CCDC13: variants seen among roughly 807,000 people sequenced by gnomAD.
The protein encoded by CCDC13 is coiled-coil domain-containing protein 13.
In CCDC13, 70 loss-of-function variants were observed where a neutral mutation model predicts 87.3. The observed-to-expected ratio is 0.80, with a 90% CI of 0.66 to 0.98. The LOEUF is 0.98. CCDC13 is among the 50% of genes least tolerant of loss of function. The pLI is 0.00. For synonymous variants in CCDC13, 317 were observed against 360.3 expected (o/e 0.88, Z 1.36); for missense variants, 842 against 892.0 (o/e 0.94, Z 0.71).
At chr3:42,736,021 C>T (rs1264112684) in intron 9 of CCDC13, 108 bp from the exon 10 acceptor site, 1 of 999,872 alleles carries the variant, frequency 1.0e-6, no homozygotes, top group East Asian at 2.6e-5. Context: ...AGGAACCTAA[C>T]AGTGGGATCC....
intron 3 of CCDC13, among the ~76,000 whole-genome samples, chr3:42,756,805 A>C (rs1699714843): frequency 1.3e-5 from 2 of 152,074 alleles, no homozygotes; most frequent in Non-Finnish European, 2.9e-5. Context: ...AACATTGCCT[A>C]TGATGCTTGC....
intron 5 of CCDC13, among the ~76,000 whole-genome samples, chr3:42,749,217 C>T (rs147165093): frequency 3.3e-5 from 5 of 152,300 alleles, no homozygotes; most frequent in Non-Finnish European, 5.9e-5. Context: ...CCCCCTGCCA[C>T]GCCCCGCCCT....
Position 42,764,368 on chromosome 3 carries a change from A to C in CCDC13, c.-6-6017T>G, listed in dbSNP as rs550683548. 3.3e-5 allele frequency among the ~76,000 whole-genome samples: 5 copies of C among 152,296 alleles called. No homozygotes were observed. The South Asian group carries it at 1.0e-3, about 32-fold the overall frequency. ...CATTCAGATGGATGGGGGGCCTCTG[A>C]ATTTTATGTTTAGTTTACACCAGCT... On this transcript the variant is annotated intron_variant, in intron 1 of 15. Transcript: ENST00000310232.
At chr3:42,758,705 C>T (rs34004101) in intron 1 of CCDC13, among the ~76,000 whole-genome samples, 9,704 of 152,284 alleles carry the variant, frequency 0.064, 386 homozygotes, top group Non-Finnish European at 0.096. Context: ...GGGACCATTT[C>T]CAGACCAGCT....
At chr3:42,743,384 A>ATATTTATTTATTTATT (rs66840281) in intron 7 of CCDC13, among the ~76,000 whole-genome samples, 1 of 131,752 alleles carries the variant, frequency 7.6e-6, no homozygotes, top group Non-Finnish European at 1.6e-5. Flanking sequence ...TCAAGAAAGA[A>ATATTTATTTATTTATT]TATTTATTTA....
intron 5 of CCDC13, among the ~76,000 whole-genome samples, chr3:42,750,376 C>T (rs1452852044): frequency 6.6e-6 from 1 of 152,220 alleles, no homozygotes; most frequent in Non-Finnish European, 1.5e-5. Flanking sequence ...TCTCTGAAGG[C>T]CCTGTCCACA....
At chr3:42,759,830 C>G (rs2125910952) in intron 1 of CCDC13, among the ~76,000 whole-genome samples, 1 of 151,236 alleles carries the variant, frequency 6.6e-6, no homozygotes, top group African/African-American at 2.5e-5. Flanking sequence ...AGTGAAAATT[C>G]TGGCTTATAT....
intron 10 of CCDC13, among the ~76,000 whole-genome samples, chr3:42,734,089 G>A (rs1246645279): frequency 6.6e-6 from 1 of 152,092 alleles, no homozygotes. Context: ...GGCTAAGCCT[G>A]CCAGGCCCCC....
intron 15 of CCDC13, 134 bp downstream of exon 15, chr3:42,709,549 AC>A (rs200779107): frequency 0.015 from 10,905 of 732,734 alleles, 129 homozygotes; most frequent in Non-Finnish European, 0.019. Flanking sequence ...CAGGCCTAGA[AC>A]CCAGGACCAA....
At chr3:42,750,939 A>C (rs1321143072) in intron 5 of CCDC13, among the ~76,000 whole-genome samples, 1 of 151,864 alleles carries the variant, frequency 6.6e-6, no homozygotes, top group Non-Finnish European at 1.5e-5. Flanking sequence ...GCCCTGAAGA[A>C]TACTCAGCCC....
At chr3:42,736,466 G>C (rs1699025364) in intron 9 of CCDC13, among the ~76,000 whole-genome samples, 1 of 152,178 alleles carries the variant, frequency 6.6e-6, no homozygotes, top group Non-Finnish European at 1.5e-5. Flanking sequence ...GAGAGTCCAA[G>C]GGCATATTGC....
intron 13 of CCDC13, among the ~76,000 whole-genome samples, chr3:42,717,303 G>A (rs1396075697): frequency 1.3e-5 from 2 of 151,976 alleles, no homozygotes; most frequent in African/African-American, 4.8e-5. Flanking sequence ...GTGGGTGCTT[G>A]TAGTCCCAAC....
In CCDC13 at chr3:42,707,269, C is replaced by T. The variant is rs1032180363; in HGVS notation, c.*1711G>A. Among the ~76,000 whole-genome samples, 1 of 152,220 alleles carries T rather than the reference C, an allele frequency of 6.6e-6. No individual in the cohort carries two copies. Among genetic ancestry groups the T allele is most frequent in the Non-Finnish European group, 1.5e-5 (1 of 68,038 alleles). The stretch of plus-strand genomic sequence containing the variant: ...TGTCACACACTGTCCCCTCCAAGCA[C>T]AGACCCTCTCTCTCCTGGCTCTCTG... On this transcript the variant is annotated 3_prime_UTR_variant, in exon 16 of 16. Transcript: ENST00000310232.
At chr3:42,747,585 C>T (rs951826522) in intron 5 of CCDC13, among the ~76,000 whole-genome samples, 3 of 152,238 alleles carry the variant, frequency 2.0e-5, no homozygotes, top group Non-Finnish European at 4.4e-5. Context: ...AAGTCCTCTA[C>T]TTGAGCTACC....
chr3:42,731,127 G>A (rs1398512834), intron 12 of CCDC13, among the ~76,000 whole-genome samples: 5 of 152,142 alleles, frequency 3.3e-5, no homozygotes, highest in Non-Finnish European at 7.3e-5. Flanking sequence ...CTGCTGGCTG[G>A]AGCCAGGACA....
At chr3:42,736,746 C>A (rs139060970) in intron 9 of CCDC13, among the ~76,000 whole-genome samples, 2 of 152,006 alleles carry the variant, frequency 1.3e-5, no homozygotes, top group Non-Finnish European at 1.5e-5. Flanking sequence ...TGAGCCAGCA[C>A]CCCCCAAACA....
Position 42,721,583 on chromosome 3 carries a change from C to A in CCDC13, c.1719-8267G>T, listed in dbSNP as rs190077525. On this transcript the variant is annotated intron_variant, in intron 13 of 15. Transcript: ENST00000310232. The stretch of plus-strand genomic sequence containing the variant: ...TTTTAACAATTGAGTAAAGCATACT[C>A]CTGTGAACAAAATTTGGAACATATT... Among the ~76,000 whole-genome samples the A allele has an allele frequency of 1.3e-3, 197 of 152,328 alleles. 1 individual carries two copies. Among genetic ancestry groups the A allele is most frequent in the Admixed American group, 5.0e-3 (77 of 15,306 alleles).
intron 5 of CCDC13, among the ~76,000 whole-genome samples, chr3:42,750,554 G>A (rs1699548893): frequency 6.6e-6 from 1 of 152,194 alleles, no homozygotes; most frequent in Non-Finnish European, 1.5e-5. Flanking sequence ...TGCAACCTCT[G>A]CCTCCCAGGT....
chr3:42,761,583 AG>A (rs1699832682), intron 1 of CCDC13, among the ~76,000 whole-genome samples: 1 of 152,192 alleles, frequency 6.6e-6, no homozygotes, highest in African/African-American at 2.4e-5. Context: ...GGTATATGGC[AG>A]GCATGGAATG....
Sources: allele counts gnomAD v4.1 joint callset (sites outside exome capture counted in the v4.1 genomes callset), GRCh38; gene constraint gnomAD v4.1.1; transcripts MANE v1.5; gene names NCBI Gene and HGNC (gene_info 2026-07-23, HGNC 2026-07-21).